SPIRE1: variants seen among roughly 807,000 people sequenced by gnomAD.
SPIRE1 encodes the protein protein spire homolog 1.
In SPIRE1, 40 loss-of-function variants were observed where a neutral mutation model predicts 94.1. That is an observed-to-expected ratio of 0.43 (90% CI 0.33 to 0.55). The LOEUF (loss-of-function observed/expected upper bound fraction) is 0.55. SPIRE1 is among the 20% of genes least tolerant of loss of function. The probability of loss-of-function intolerance (pLI) is 0.06; values close to 1 mark genes in which losing one functional copy is unlikely to be tolerated. For synonymous variants in SPIRE1, 376 were observed against 371.7 expected, an observed-to-expected ratio of 1.01 and a Z score of -0.13; for missense variants, 838 against 975.2, an observed-to-expected ratio of 0.86 and a Z score of 1.87.
intron 10 of SPIRE1, 97 bp downstream of exon 10, chr18:12,479,602 A>T (rs749296544): frequency 3.4e-5 from 40 of 1,178,738 alleles, no homozygotes; most frequent in Non-Finnish European, 4.6e-5. Flanking sequence ...ATGGGAAGAG[A>T]TTAAGCAACA....
At position 12,551,936 on chromosome 18, in the gene SPIRE1, G is replaced by A. The variant is rs534173789; in HGVS notation, c.373-5032C>T. Among the ~76,000 whole-genome samples the A allele has an allele frequency of 3.9e-5, 6 of 152,224 alleles. No individual in the cohort carries two copies. The South Asian group carries it at 1.0e-3, about 26-fold the overall frequency. Reference sequence around the variant, plus strand: ...GATGCCACCCCTCCTCCACCTCCTGGCAGTGGCCATGGGCCGCAGAGAGAA... The same window carrying A: ...GATGCCACCCCTCCTCCACCTCCTGACAGTGGCCATGGGCCGCAGAGAGAA... On this transcript the variant is annotated intron_variant, in intron 2 of 16. Coordinates refer to ENST00000409402, the MANE Select transcript of SPIRE1 (RefSeq NM_001128626.2).
chr18:12,543,472 T>G (rs145911038), intron 3 of SPIRE1, among the ~76,000 whole-genome samples: 32 of 152,300 alleles, frequency 2.1e-4, no homozygotes, highest in African/African-American at 7.7e-4. Flanking sequence ...GTTAGAACTT[T>G]GAAGATAGCA....
rs1177255129 is a variant in SPIRE1 at position 12,512,488 on chromosome 18, C to A, written c.773G>T (p.Ser258Ile). 1.9e-6 allele frequency: 3 copies of A among 1,612,698 alleles called. No individual in the cohort carries two copies. The East Asian group carries it at 6.7e-5, about 36-fold the overall frequency. ...IQEMEKSDES[S>I]TDLEELKNAD... ...GTTTTTCAGCTCTTCCAAGTCTGTG[C>A]TAGATTCATCGCTCTTTTCCATTTC... The change falls in exon 5 of 17, where the codon AGC becomes ATC. Residue 258 changes from serine (S) to isoleucine (I), a missense_variant. This residue lies in a region of SPIRE1 where 645 missense variants were observed against 804.7 expected (regional missense o/e 0.80). Coordinates refer to ENST00000409402, the MANE Select transcript of SPIRE1 (RefSeq NM_001128626.2).
chr18:12,580,735 C>G (rs2036233064), intron 2 of SPIRE1, among the ~76,000 whole-genome samples: 1 of 152,186 alleles, frequency 6.6e-6, no homozygotes, highest in Admixed American at 6.5e-5. Flanking sequence ...TTCCTCATAA[C>G]TCTCAGTCAC....
At chr18:12,482,206 G>T (rs897705633) in intron 9 of SPIRE1, among the ~76,000 whole-genome samples, 1 of 152,138 alleles carries the variant, frequency 6.6e-6, no homozygotes, top group Non-Finnish European at 1.5e-5. Context: ...GCAGTGGCGC[G>T]ATCTCAGCTC....
Position 12,479,700 on chromosome 18 carries a change from T to G in SPIRE1, c.1403A>C (p.Glu468Ala). ...TLAELDSSES[E>A]EETLHKSTSS... ...AAGCTGGGTGAACTGGGGCCTCACCTCAGACTCAGAGCTGTCCAGTTCGGC... is the reference window on the plus strand; with the variant it reads ...AAGCTGGGTGAACTGGGGCCTCACCGCAGACTCAGAGCTGTCCAGTTCGGC... Residue 468 changes from glutamate (E) to alanine (A), a missense_variant and splice_region_variant, in exon 10 of 17, where the codon GAG becomes GCG. Glu to Ala is a moderately radical substitution (Grantham distance 107, BLOSUM62 -1). This residue lies in a region of SPIRE1 where 645 missense variants were observed against 804.7 expected (regional missense o/e 0.80). Transcript: ENST00000409402. 1 of 1,604,972 alleles carries G rather than the reference T, an allele frequency of 6.2e-7. No individual in the cohort carries two copies. The highest frequency in any genetic ancestry group is 1.3e-5 in the African/African-American group (1 of 74,504).
chr18:12,628,843 CTCTG>C lies in SPIRE1; in HGVS notation c.372+6215_372+6218del, dbSNP rs201549187. 8.8e-3 allele frequency among the ~76,000 whole-genome samples: 1,338 copies of C among 152,236 alleles called. 26 individuals carry two copies. The highest frequency in any genetic ancestry group is 0.03 in the African/African-American group (1,232 of 41,520). On this transcript the variant is annotated intron_variant, in intron 2 of 16. Coordinates refer to ENST00000409402, the MANE Select transcript of SPIRE1 (RefSeq NM_001128626.2). ...ATGGGAGTTCACTCATGATTTGGCT[CTCTG>C]TCTGTTATTAGTGTACAGGAATGAG...
At position 12,479,859 on chromosome 18, in the gene SPIRE1, G is replaced by A. The variant is rs139892928; in HGVS notation, c.1244C>T (p.Pro415Leu). ...CTCCACAAGATTCTTTGTAGATTCA[G>A]GGGTAGTCACATCTGGTAAAAAAGC... ...YSFDLSDVTT[P>L]ESTKNLVESS... Residue 415 changes from proline (P) to leucine (L), a missense_variant, in exon 10 of 17, where the codon CCT becomes CTT. By Grantham distance (98) the Pro-to-Leu change is moderately conservative. Around this residue, in one of 2 missense-constraint regions of SPIRE1, gnomAD observed 645 missense variants for 804.7 expected, o/e 0.80. Coordinates refer to ENST00000409402, the MANE Select transcript of SPIRE1 (RefSeq NM_001128626.2). The A allele has an allele frequency of 5.0e-6, 8 of 1,612,870 alleles. No homozygotes were observed. Among genetic ancestry groups the A allele is most frequent in the Non-Finnish European group, 6.8e-6 (8 of 1,179,742 alleles).
chr18:12,513,769 C>T (rs992786238), intron 4 of SPIRE1, among the ~76,000 whole-genome samples: 13 of 152,212 alleles, frequency 8.5e-5, no homozygotes, highest in African/African-American at 2.6e-4. Context: ...GTGATCCACC[C>T]GCCTCGGCCT....
upstream of SPIRE1, chr18:12,658,815 C>G (rs1294184327): frequency 3.1e-6 from 1 of 321,206 alleles, no homozygotes; most frequent in African/African-American, 2.2e-5. Flanking sequence ...GTTTTCCTCA[C>G]TGACTTCTCC....
At chr18:12,503,119 A>G (rs1253546314) in intron 6 of SPIRE1, among the ~76,000 whole-genome samples, 4 of 64,022 alleles carry the variant, frequency 6.2e-5, no homozygotes, top group Non-Finnish European at 1.0e-4. Context: ...AAAAAAAAAG[A>G]AAAAAAAAAA....
At chr18:12,564,337 C>T (rs1452671451) in intron 2 of SPIRE1, among the ~76,000 whole-genome samples, 2 of 151,548 alleles carry the variant, frequency 1.3e-5, no homozygotes, top group African/African-American at 2.4e-5. Context: ...ATAAAGGGGG[C>T]GAATTAGAGA....
chr18:12,514,915 C>T (rs2034151111), intron 4 of SPIRE1, among the ~76,000 whole-genome samples: 1 of 152,158 alleles, frequency 6.6e-6, no homozygotes, highest in Non-Finnish European at 1.5e-5. Context: ...AACAGGTCAA[C>T]AAGATTCAAC....
chr18:12,617,157 CTATT>C (rs1286000280), intron 2 of SPIRE1, among the ~76,000 whole-genome samples: 2 of 78,142 alleles, frequency 2.6e-5, no homozygotes, highest in Non-Finnish European at 5.3e-5. Flanking sequence ...ACCATGCTCA[CTATT>C]TTTTTTTTTT....
intron 5 of SPIRE1, among the ~76,000 whole-genome samples, chr18:12,510,086 A>AC (rs1004084125): frequency 1.7e-4 from 25 of 150,056 alleles, no homozygotes; most frequent in Admixed American, 1.6e-3. Context: ...CTCCATCTAA[A>AC]AAAAAAAAAA....
chr18:12,550,461 T>A (rs2035316278), intron 2 of SPIRE1, among the ~76,000 whole-genome samples: 1 of 152,196 alleles, frequency 6.6e-6, no homozygotes, highest in Admixed American at 6.5e-5. Flanking sequence ...AATGGTGTGA[T>A]CGTGGCTCAC....
chr18:12,593,258 A>G (rs1367104617), intron 2 of SPIRE1, among the ~76,000 whole-genome samples: 1 of 152,246 alleles, frequency 6.6e-6, no homozygotes, highest in Non-Finnish European at 1.5e-5. Flanking sequence ...TGTGAGAATT[A>G]CTAACATTAT....
intron 7 of SPIRE1, among the ~76,000 whole-genome samples, chr18:12,494,859 A>AC (rs1442250905): frequency 7.2e-5 from 8 of 111,282 alleles, no homozygotes; most frequent in African/African-American, 2.7e-4. Context: ...AAAAAAAAAT[A>AC]CAAAAAAAAA....
intron 4 of SPIRE1, among the ~76,000 whole-genome samples, chr18:12,514,570 C>A (rs1012471710): frequency 6.6e-6 from 1 of 152,076 alleles, no homozygotes; most frequent in Non-Finnish European, 1.5e-5. Context: ...CACTTTCAAC[C>A]ATGCATGTTT....
Sources: allele counts gnomAD v4.1 joint callset (sites outside exome capture counted in the v4.1 genomes callset), GRCh38; gene constraint gnomAD v4.1.1; regional missense constraint gnomAD v4.1.1; transcripts MANE v1.5; gene names NCBI Gene and HGNC (gene_info 2026-07-23, HGNC 2026-07-21).